The following HPS5 variants were observed in gnomAD, a reference collection of about 807,000 sequenced individuals.
HPS5 encodes the protein BLOC-2 complex member HPS5.
A neutral mutation model predicts 128.0 loss-of-function variants in HPS5; 83 were observed. The observed-to-expected ratio is 0.65, with a 90% confidence interval of 0.54 to 0.78. HPS5 has a LOEUF of 0.78. HPS5 is among the 30% of genes least tolerant of loss of function. HPS5 has a pLI of 0.00. For missense variants in HPS5, 1,281 were observed against 1,326.2 expected (o/e 0.97, Z 0.53); for synonymous variants, 475 against 470.2 (o/e 1.01, Z -0.13).
At chr11:18,310,976 C>T in intron 4 of HPS5, 43 bp from the exon 5 acceptor site, 1 of 1,487,196 alleles carries the variant, frequency 6.7e-7, no homozygotes, top group Non-Finnish European at 9.4e-7. Context: ...CAACAGTGAA[C>T]AAGGTACAAT....
chr11:18,283,758 A>C, intron 21 of HPS5, 37 bp downstream of exon 21: 2 of 1,492,104 alleles, frequency 1.3e-6, no homozygotes, highest in Non-Finnish European at 1.9e-6. Context: ...ACTTCTAAAA[A>C]TTGACAACCA....
rs201618471 is a variant in HPS5, at chr11:18,292,881, G to T, written c.1862+18C>A. ...ACTGCCTTGAGACGTCACTATAAAA[G>T]TTTCTCATTATACTCACATTGCTTC... On this transcript the variant is annotated intron_variant, in intron 15 of 22. Coordinates refer to ENST00000349215, the MANE Select transcript of HPS5 (RefSeq NM_181507.2). The T allele has an allele frequency of 5.0e-6, 8 of 1,596,626 alleles. No individual in the cohort carries two copies. The East Asian group carries it at 1.3e-4, about 27-fold the overall frequency.
chr11:18,310,704 T>C, intron 5 of HPS5, 37 bp downstream of exon 5: 1 of 1,471,958 alleles, frequency 6.8e-7, no homozygotes, highest in Non-Finnish European at 9.4e-7. Flanking sequence ...ACACCTTGTA[T>C]CTCACTACAT....
At chr11:18,281,598 G>A (rs1424965179) in intron 22 of HPS5, among the ~76,000 whole-genome samples, 1 of 151,850 alleles carries the variant, frequency 6.6e-6, no homozygotes, top group African/African-American at 2.4e-5. Context: ...GTAGAGATGG[G>A]GTTTCACCAT....
Position 18,298,971 on chromosome 11 carries a change from C to G in HPS5, c.986-1G>C, listed in dbSNP as rs1861399950. The G allele has an allele frequency of 1.9e-6, 3 of 1,613,954 alleles. No individual in the cohort carries two copies. The highest frequency in any genetic ancestry group is 1.3e-5 in the African/African-American group (1 of 74,928). On this transcript the variant is annotated splice_acceptor_variant, in intron 9 of 22. Coordinates refer to ENST00000349215, the MANE Select transcript of HPS5 (RefSeq NM_181507.2). LOFTEE classifies it high-confidence loss of function. Reference sequence around the variant, plus strand: ...CTACAGACAGCCACATCCTGAATATCTACGAAAACCACAGGTGTGAACATA... The same window carrying G: ...CTACAGACAGCCACATCCTGAATATGTACGAAAACCACAGGTGTGAACATA...
rs557096539 is a variant in HPS5, at chr11:18,317,236, A to G, written c.108+515T>C. On this transcript the variant is annotated intron_variant, in intron 2 of 22. Transcript: ENST00000349215. ...GATAAGAGACTACTGTTTCATTCCAATGCTTCTCCGGGCCTGATAAATTTT... is the reference window on the plus strand; with the variant it reads ...GATAAGAGACTACTGTTTCATTCCAGTGCTTCTCCGGGCCTGATAAATTTT... Among the ~76,000 whole-genome samples, 3 of 150,010 alleles carry G rather than the reference A, an allele frequency of 2.0e-5. No individual in the cohort carries two copies. The Admixed American group carries it at 2.0e-4, about 10-fold the overall frequency.
intron 15 of HPS5, 66 bp from the exon 16 acceptor site, chr11:18,292,085 G>A: frequency 8.0e-7 from 1 of 1,247,766 alleles, no homozygotes; most frequent in Non-Finnish European, 1.2e-6. Context: ...ATTAATTCAT[G>A]CTAATAAATT....
At position 18,308,979 on chromosome 11, in the gene HPS5, G is replaced by A. The variant is rs906141169; in HGVS notation, c.578C>T (p.Ser193Leu). Residue 193 changes from serine to leucine, a missense_variant, in exon 6 of 23, where the codon TCA (serine) becomes TTA (leucine). Transcript: ENST00000349215. ...DYLDGRLLIS[S>L]LTRSFLCDTE... ...GTCACACAAGAAGGATCGAGTAAGTGAAGATATAAGTAGCCTTCCATCCAA... is the reference window on the plus strand; with the variant it reads ...GTCACACAAGAAGGATCGAGTAAGTAAAGATATAAGTAGCCTTCCATCCAA... The A allele has an allele frequency of 1.2e-6, 2 of 1,613,964 alleles. No homozygotes were observed. Among genetic ancestry groups the A allele is most frequent in the Non-Finnish European group, 8.5e-7 (1 of 1,179,834 alleles).
intron 6 of HPS5, among the ~76,000 whole-genome samples, chr11:18,308,685 A>G (rs752704835): frequency 9.2e-5 from 14 of 152,102 alleles, no homozygotes; most frequent in Non-Finnish European, 1.8e-4. Flanking sequence ...GCATGGTGGC[A>G]TGTGCCTATA....
chr11:18,287,009 T>TAA (rs1451319824), intron 18 of HPS5: 26 of 589,164 alleles, frequency 4.4e-5, no homozygotes, highest in Non-Finnish European at 7.4e-5. Context: ...AGTTTGAGGC[T>TAA]GTAGTATGCT....
At position 18,296,072 on chromosome 11, in the gene HPS5, A is replaced by C. The variant is rs762773556; in HGVS notation, c.1561T>G (p.Phe521Val). 3.1e-6 allele frequency: 5 copies of C among 1,613,400 alleles called. No individual in the cohort carries two copies. The South Asian group carries it at 5.5e-5, about 18-fold the overall frequency. ...VMFETDKNET[F>V]LPFGIPLPFR... is the part of the protein sequence containing the mutation. ...GGTAATGGAATGCCGAACGGGAGAAAAGTTTCATTCTTATCTGTCTCAAAC... is the reference window on the plus strand; with the variant it reads ...GGTAATGGAATGCCGAACGGGAGAACAGTTTCATTCTTATCTGTCTCAAAC... Residue 521 changes from phenylalanine (F) to valine (V), a missense_variant, in exon 13 of 23, where the codon TTT becomes GTT. Phe to Val is a conservative substitution (Grantham distance 50, BLOSUM62 -1). Coordinates refer to ENST00000349215, the MANE Select transcript of HPS5 (RefSeq NM_181507.2).
intron 6 of HPS5, among the ~76,000 whole-genome samples, chr11:18,308,118 A>C (rs1862574286): frequency 6.6e-6 from 1 of 152,232 alleles, no homozygotes; most frequent in South Asian, 2.1e-4. Flanking sequence ...ACTTTGGCAT[A>C]GTGATGCATA....
intron 2 of HPS5, among the ~76,000 whole-genome samples, chr11:18,316,335 T>C (rs1863623836): frequency 6.6e-6 from 1 of 152,164 alleles, no homozygotes; most frequent in South Asian, 2.1e-4. Flanking sequence ...TAAGATTTTA[T>C]ATGCCTTTTC....
intron 19 of HPS5, 57 bp from the exon 20 acceptor site, chr11:18,285,516 TATTTATC>T: frequency 8.8e-7 from 1 of 1,131,934 alleles, no homozygotes; most frequent in Non-Finnish European, 1.3e-6. Flanking sequence ...AGAAAATGCT[TATTTATC>T]ACCTAATAGG....
intron 7 of HPS5, 67 bp from the exon 8 acceptor site, chr11:18,305,560 C>T: frequency 7.9e-7 from 1 of 1,271,272 alleles, no homozygotes; most frequent in Non-Finnish European, 1.1e-6. Flanking sequence ...TACACTTTTC[C>T]CAATATAGGG....
At position 18,278,877 on chromosome 11, in the gene HPS5, CTT is replaced by C. The variant is rs886048070; in HGVS notation, c.*1003_*1004del. On this transcript the variant is annotated 3_prime_UTR_variant, in exon 23 of 23. Coordinates refer to ENST00000349215, the MANE Select transcript of HPS5 (RefSeq NM_181507.2). ...AAATAACACAAGTGCTTGCTGCAGT[CTT>C]TATTAGTACACAGCTTTGTTATGGC... The C allele has an allele frequency of 3.9e-5, 6 of 152,704 alleles. No individual in the cohort carries two copies. In the South Asian group the frequency reaches 1.2e-3, roughly 32 times the overall value. The allele number at this position is 152,704 out of a possible 1,614,324, so 9.5% of individuals were successfully genotyped here. A position where few individuals can be genotyped will look rare whatever the true frequency, so the allele number is the denominator to read the frequency against.
intron 20 of HPS5, among the ~76,000 whole-genome samples, chr11:18,284,711 T>C (rs183325944): frequency 3.3e-5 from 5 of 152,252 alleles, no homozygotes; most frequent in Admixed American, 6.5e-5. Flanking sequence ...AAATTAGATA[T>C]AGACATTATG....
At chr11:18,287,453 C>T in intron 18 of HPS5, 82 bp downstream of exon 18, 1 of 1,475,986 alleles carries the variant, frequency 6.8e-7, no homozygotes, top group Non-Finnish European at 9.5e-7. Flanking sequence ...ATTAACAGTA[C>T]ACAATGTGAC....
At chr11:18,320,288 T>G (rs1434637313) in intron 1 of HPS5, among the ~76,000 whole-genome samples, 1 of 152,200 alleles carries the variant, frequency 6.6e-6, no homozygotes, top group Non-Finnish European at 1.5e-5. Flanking sequence ...GCTTTCAAGA[T>G]CGCACATGAG....
Sources: allele counts gnomAD v4.1 joint callset (sites outside exome capture counted in the v4.1 genomes callset), GRCh38; gene constraint gnomAD v4.1.1; transcripts MANE v1.5; gene names NCBI Gene and HGNC (gene_info 2026-07-23, HGNC 2026-07-21).